Variants in STK35 observed in about 807,000 individuals in gnomAD.
The protein encoded by STK35 is serine/threonine-protein kinase 35.
Under a neutral mutation model 37.3 loss-of-function variants are expected in STK35, and 17 were observed. The ratio of observed to expected loss-of-function variants is 0.46; its 90% confidence interval spans 0.31 to 0.68. The LOEUF is 0.68. STK35 is among the 30% of genes least tolerant of loss of function. STK35 has a pLI of 0.05. For missense variants in STK35, 595 were observed against 746.7 expected, an observed-to-expected ratio of 0.80 and a Z score of 2.37; for synonymous variants, 385 against 319.1, an observed-to-expected ratio of 1.21 and a Z score of -2.20.
intron 3 of STK35, among the ~76,000 whole-genome samples, chr20:2,130,452 A>T (rs1168183772): frequency 2.0e-5 from 3 of 152,040 alleles, no homozygotes; most frequent in African/African-American, 7.2e-5. Flanking sequence ...ATTGTGTTTC[A>T]AGAACATGGC....
chr20:2,134,618 C>T (rs970085001), intron 3 of STK35, among the ~76,000 whole-genome samples: 3 of 152,014 alleles, frequency 2.0e-5, no homozygotes, highest in African/African-American at 2.4e-5. Context: ...GGGCCTGGCG[C>T]GGTGGCTCAG....
At chr20:2,103,841 A>T (rs907018065) in intron 2 of STK35, among the ~76,000 whole-genome samples, 1 of 152,040 alleles carries the variant, frequency 6.6e-6, no homozygotes, top group Admixed American at 6.6e-5. Context: ...GACACCCTCC[A>T]GCTCCAACCC....
At chr20:2,136,816 C>A (rs4814983) in intron 3 of STK35, among the ~76,000 whole-genome samples, 1 of 152,226 alleles carries the variant, frequency 6.6e-6, no homozygotes, top group Non-Finnish European at 1.5e-5. Flanking sequence ...TTGGAGCACA[C>A]GACAAGGCTA....
At chr20:2,110,455 T>C (rs1482612954) in intron 2 of STK35, among the ~76,000 whole-genome samples, 1 of 152,246 alleles carries the variant, frequency 6.6e-6, no homozygotes, top group African/African-American at 2.4e-5. Context: ...TTACCATAGT[T>C]AACTGTTACT....
At chr20:2,105,008 A>G (rs1193930473) in intron 2 of STK35, among the ~76,000 whole-genome samples, 3 of 152,026 alleles carry the variant, frequency 2.0e-5, no homozygotes, top group Non-Finnish European at 4.4e-5. Context: ...AGAAAAAAAA[A>G]TAGCCGGACC....
intron 2 of STK35, among the ~76,000 whole-genome samples, chr20:2,111,936 A>G (rs1028161812): frequency 3.9e-5 from 6 of 152,070 alleles, no homozygotes; most frequent in African/African-American, 1.4e-4. Context: ...CCTTCCTCTC[A>G]TCCCAGCTTC....
intron 2 of STK35, among the ~76,000 whole-genome samples, chr20:2,115,498 G>A (rs1193392488): frequency 6.6e-6 from 1 of 151,746 alleles, no homozygotes; most frequent in Admixed American, 6.6e-5. Context: ...ACATTTGCAG[G>A]CCCAGCCTCT....
At position 2,148,246 on chromosome 20, in the gene STK35, G is replaced by C. The variant is rs1353317403; in HGVS notation, c.*4500G>C. 2 of 152,660 alleles carry C rather than the reference G, an allele frequency of 1.3e-5. No individual in the cohort carries two copies. Among genetic ancestry groups the C allele is most frequent in the Middle Eastern group, 3.2e-3 (1 of 316 alleles). 9.5% of individuals were successfully genotyped at this position (152,660 alleles called of 1,614,324 possible). On this transcript the variant is annotated 3_prime_UTR_variant, in exon 4 of 4. Transcript: ENST00000381482. ...AGTGACTTCTTAAACATTTGTGTGG[G>C]ACAGACGAGCGTGAGGGAGGTTTTA...
chr20:2,122,264 A>G (rs1985832205), intron 3 of STK35, among the ~76,000 whole-genome samples: 1 of 152,166 alleles, frequency 6.6e-6, no homozygotes, highest in Non-Finnish European at 1.5e-5. Flanking sequence ...CCAGGGAGGC[A>G]GAGGTTGCAG....
chr20:2,103,754 C>A (rs1018118470), intron 2 of STK35, among the ~76,000 whole-genome samples: 1 of 152,116 alleles, frequency 6.6e-6, no homozygotes, highest in Non-Finnish European at 1.5e-5. Flanking sequence ...CTCTCTCTTT[C>A]CCTCCCAAAA....
intron 2 of STK35, among the ~76,000 whole-genome samples, chr20:2,114,321 CTT>C (rs1600603547): frequency 6.6e-6 from 1 of 152,084 alleles, no homozygotes; most frequent in East Asian, 1.9e-4. Context: ...AAAAGTACTT[CTT>C]TTGGAAGTAC....
At chr20:2,106,259 G>A (rs990810192) in intron 2 of STK35, among the ~76,000 whole-genome samples, 3 of 152,102 alleles carry the variant, frequency 2.0e-5, no homozygotes, top group African/African-American at 7.2e-5. Flanking sequence ...GGAAGGAATC[G>A]TAGAGATAAC....
In STK35 at chr20:2,146,563, C is replaced by A. The variant is rs41309355; in HGVS notation, c.*2817C>A. 0.032 allele frequency: 4,830 copies of A among 152,818 alleles called. 99 individuals carry two copies. The highest frequency in any genetic ancestry group is 0.044 in the Middle Eastern group (13 of 294). 9.5% of individuals were successfully genotyped at this position (152,818 alleles called of 1,614,324 possible). On this transcript the variant is annotated 3_prime_UTR_variant, in exon 4 of 4. Coordinates refer to ENST00000381482, the MANE Select transcript of STK35 (RefSeq NM_080836.4). Reference sequence around the variant, plus strand: ...CGTCAGAAGAATCAGCAGGACAGATCGTAGTGCCTTATTCCATTGTCCTCC... The same window carrying A: ...CGTCAGAAGAATCAGCAGGACAGATAGTAGTGCCTTATTCCATTGTCCTCC...
At chr20:2,126,961 G>A (rs1369326932) in intron 3 of STK35, among the ~76,000 whole-genome samples, 1 of 152,194 alleles carries the variant, frequency 6.6e-6, no homozygotes, top group Non-Finnish European at 1.5e-5. Context: ...AGGCCATAGT[G>A]AGGAAGATGA....
intron 3 of STK35, 21 bp from the exon 4 acceptor site, chr20:2,143,763 T>TA (rs1986207658): frequency 2.7e-6 from 1 of 370,868 alleles, no homozygotes; most frequent in Non-Finnish European, 5.2e-6. Flanking sequence ...GTCCCCTCCT[T>TA]ACCCGCCTTC....
At chr20:2,127,221 G>A (rs1040643222) in intron 3 of STK35, among the ~76,000 whole-genome samples, 1 of 151,928 alleles carries the variant, frequency 6.6e-6, no homozygotes, top group African/African-American at 2.4e-5. Flanking sequence ...TCTTTGTGGG[G>A]AAAGAAAACC....
chr20:2,102,940 T>G lies in STK35; in HGVS notation c.467T>G (p.Val156Gly). 8 of 1,505,940 alleles carry G rather than the reference T, an allele frequency of 5.3e-6. No individual in the cohort carries two copies. Among genetic ancestry groups the G allele is most frequent in the Non-Finnish European group, 7.1e-6 (8 of 1,134,018 alleles). 93.3% of individuals were successfully genotyped at this position (1,505,940 alleles called of 1,614,324 possible). The change falls in exon 2 of 4, where the codon GTG becomes GGG. Residue 156 changes from valine to glycine, a missense_variant. Physicochemically the swap from Val to Gly is moderately radical, Grantham distance 109 (BLOSUM62 -3). This residue lies in a region of STK35 where 389 missense variants were observed against 320.0 expected (regional missense o/e 1.22). Transcript: ENST00000381482. ...QSPERKRRSP[V>G]PRAPSTKLRP... ...CCGGAGCGGAAAAGGCGAAGCCCAG[T>G]GCCGCGGGCGCCCAGCACGAAGCTG...
At chr20:2,126,030 A>C (rs1196237250) in intron 3 of STK35, among the ~76,000 whole-genome samples, 1 of 152,238 alleles carries the variant, frequency 6.6e-6, no homozygotes, top group Admixed American at 6.5e-5. Flanking sequence ...GAGTGAACCC[A>C]GGGATTTTAA....
chr20:2,122,743 G>C (rs754159768), intron 3 of STK35, among the ~76,000 whole-genome samples: 22 of 152,180 alleles, frequency 1.4e-4, no homozygotes, highest in Non-Finnish European at 2.2e-4. Flanking sequence ...CAGTAGCATT[G>C]TTTAGATCCA....
Sources: gnomAD v4.1 joint callset for allele counts (sites outside exome capture counted in the v4.1 genomes callset) on GRCh38, gnomAD v4.1.1 for gene constraint, gnomAD v4.1.1 regional missense constraint, MANE v1.5 for transcripts, NCBI Gene and HGNC (gene_info 2026-07-23, HGNC 2026-07-21) for gene names.